CEP112: variants seen among roughly 807,000 people sequenced by gnomAD.
The protein encoded by CEP112 is centrosomal protein of 112 kDa.
Under a neutral mutation model 153.0 loss-of-function variants are expected in CEP112, and 127 were observed. The ratio of observed to expected loss-of-function variants is 0.83; its 90% CI spans 0.72 to 0.96. The LOEUF is 0.96. CEP112 is among the 40% of genes least tolerant of loss of function. The pLI is 0.00. For missense variants in CEP112, 1,089 were observed against 1,101.2 expected, an observed-to-expected ratio of 0.99 and a Z score of 0.16; for synonymous variants, 358 against 374.4, an observed-to-expected ratio of 0.96 and a Z score of 0.51.
chr17:65,899,948 T>C (rs1210252245), intron 20 of CEP112, among the ~76,000 whole-genome samples: 1 of 152,188 alleles, frequency 6.6e-6, no homozygotes, highest in African/African-American at 2.4e-5. Context: ...ATGCCTACTT[T>C]GTTTCCTTGA....
intron 24 of CEP112, among the ~76,000 whole-genome samples, chr17:65,684,661 C>A (rs752908680): frequency 2.0e-5 from 3 of 152,122 alleles, no homozygotes; most frequent in Admixed American, 6.5e-5. Context: ...TTTAGTTTTA[C>A]CCAAAATATT....
At chr17:66,029,017 AAG>A (rs1374855893) in intron 14 of CEP112, 104 bp downstream of exon 14, 49 of 874,346 alleles carry the variant, frequency 5.6e-5, no homozygotes, top group Non-Finnish European at 7.6e-5. Flanking sequence ...AATAAAGTGA[AAG>A]AGAGATTAAT....
At chr17:66,179,100 T>C (rs989672743) in intron 2 of CEP112, among the ~76,000 whole-genome samples, 6 of 152,186 alleles carry the variant, frequency 3.9e-5, no homozygotes, top group Non-Finnish European at 7.3e-5. Flanking sequence ...AATTGCTCTG[T>C]AGTATAATTT....
intron 12 of CEP112, among the ~76,000 whole-genome samples, chr17:66,053,029 C>A (rs1325009734): frequency 6.6e-6 from 1 of 151,530 alleles, no homozygotes; most frequent in African/African-American, 2.4e-5. Flanking sequence ...ATCGCTTGAG[C>A]CTGGGAGGCA....
chr17:65,832,771 T>C (rs1051276103), intron 21 of CEP112, among the ~76,000 whole-genome samples: 1 of 151,796 alleles, frequency 6.6e-6, no homozygotes, highest in African/African-American at 2.4e-5. Flanking sequence ...TTCTACCAGA[T>C]GTACACAGAA....
chr17:66,080,046 C>G (rs1223801112), intron 8 of CEP112, among the ~76,000 whole-genome samples: 1 of 151,956 alleles, frequency 6.6e-6, no homozygotes, highest in Non-Finnish European at 1.5e-5. Context: ...GATCTAAAAC[C>G]ATAAAAACCC....
intron 21 of CEP112, among the ~76,000 whole-genome samples, chr17:65,781,542 C>A (rs1370809778): frequency 2.0e-5 from 3 of 151,570 alleles, no homozygotes; most frequent in Admixed American, 1.3e-4. Flanking sequence ...GCCCAAATAA[C>A]CAAACCAATC....
At chr17:66,033,192 T>G (rs1397470445) in intron 12 of CEP112, among the ~76,000 whole-genome samples, 1 of 152,154 alleles carries the variant, frequency 6.6e-6, no homozygotes, top group Non-Finnish European at 1.5e-5. Flanking sequence ...ATCCAGCATT[T>G]ACCTAGTTAG....
intron 18 of CEP112, among the ~76,000 whole-genome samples, chr17:65,928,005 G>A (rs1252038274): frequency 6.6e-6 from 1 of 152,080 alleles, no homozygotes; most frequent in East Asian, 1.9e-4. Context: ...TGCTGAATGA[G>A]ATAAAATATT....
chr17:65,886,258 T>C (rs1568171063), intron 20 of CEP112, among the ~76,000 whole-genome samples: 3 of 152,248 alleles, frequency 2.0e-5, no homozygotes, highest in South Asian at 4.2e-4. Flanking sequence ...TTTTTAATGG[T>C]AGTTCAAAGG....
At chr17:66,116,009 G>A (rs2069273406) in intron 6 of CEP112, among the ~76,000 whole-genome samples, 1 of 152,186 alleles carries the variant, frequency 6.6e-6, no homozygotes, top group Admixed American at 6.5e-5. Context: ...GCCACACTGA[G>A]TACAATGGCC....
At chr17:66,155,240 G>A (rs2071386322) in intron 4 of CEP112, among the ~76,000 whole-genome samples, 1 of 152,156 alleles carries the variant, frequency 6.6e-6, no homozygotes, top group African/African-American at 2.4e-5. Flanking sequence ...CCCACAGAGG[G>A]CGAGCCGAAG....
chr17:65,639,753 C>G (rs1046386907), intron 25 of CEP112, among the ~76,000 whole-genome samples: 1 of 149,244 alleles, frequency 6.7e-6, no homozygotes, highest in Non-Finnish European at 1.5e-5. Context: ...ATGATACCAA[C>G]AATACGTAAA....
chr17:66,106,550 G>A (rs1401827534), intron 6 of CEP112, among the ~76,000 whole-genome samples: 1 of 151,962 alleles, frequency 6.6e-6, no homozygotes, highest in South Asian at 2.1e-4. Flanking sequence ...GAAAAGAAAT[G>A]TATAAATTCC....
chr17:65,749,997 A>G (rs1598463622), intron 22 of CEP112, among the ~76,000 whole-genome samples: 1 of 152,216 alleles, frequency 6.6e-6, no homozygotes, highest in East Asian at 1.9e-4. Flanking sequence ...TATACAAGTA[A>G]GGAATACTTG....
At chr17:65,652,235 G>T (rs1303250983) in intron 24 of CEP112, among the ~76,000 whole-genome samples, 1 of 152,056 alleles carries the variant, frequency 6.6e-6, no homozygotes. Flanking sequence ...AAAGTGTAGG[G>T]ATTAAGAGCC....
At chr17:65,869,291 G>A (rs1428625554) in intron 20 of CEP112, among the ~76,000 whole-genome samples, 2 of 152,152 alleles carry the variant, frequency 1.3e-5, no homozygotes, top group East Asian at 1.9e-4. Context: ...TGGTATTATC[G>A]GAAGTGCATG....
At chr17:65,850,325 C>T (rs929569055) in intron 21 of CEP112, among the ~76,000 whole-genome samples, 1 of 151,998 alleles carries the variant, frequency 6.6e-6, no homozygotes, top group Non-Finnish European at 1.5e-5. Context: ...TTCTTCCTTT[C>T]GGCAAAGAGG....
chr17:66,027,154 A>G (rs1375640129), intron 16 of CEP112, among the ~76,000 whole-genome samples: 1 of 152,218 alleles, frequency 6.6e-6, no homozygotes, highest in Non-Finnish European at 1.5e-5. Context: ...AGACGGGCGG[A>G]TCACTTGAGG....
Sources: gnomAD v4.1 joint callset for allele counts (sites outside exome capture counted in the v4.1 genomes callset) on GRCh38, gnomAD v4.1.1 for gene constraint, MANE v1.5 for transcripts, NCBI Gene and HGNC (gene_info 2026-07-23, HGNC 2026-07-21) for gene names.